CLTRN: variants seen among roughly 807,000 people sequenced by gnomAD.
CLTRN encodes collectrin, amino acid transport regulator.
A neutral mutation model predicts 14.5 loss-of-function variants in CLTRN; 12 were observed. The observed-to-expected ratio is 0.83, with a 90% CI of 0.53 to 1.34. CLTRN has a LOEUF of 1.34. Among genes scored for constraint, CLTRN ranks in the 40% most tolerant of loss-of-function variants. CLTRN has a pLI of 0.00. For synonymous variants in CLTRN, 58 were observed against 56.5 expected, an observed-to-expected ratio of 1.03 and a Z score of -0.12; for missense variants, 154 against 165.1, an observed-to-expected ratio of 0.93 and a Z score of 0.37.
At chrX:15,659,928 G>C (rs1363347893) in intron 2 of CLTRN, among the ~76,000 whole-genome samples, 2 of 112,240 alleles carry the variant, frequency 1.8e-5, no homozygotes, top group African/African-American at 6.5e-5. Context: ...AATTAATATA[G>C]TATATTTGAC....
At chrX:15,646,394 C>T in intron 3 of CLTRN, 1 of 305,427 alleles carries the variant, frequency 3.3e-6, no homozygotes, top group Admixed American at 3.4e-5. Context: ...CAACCCACTG[C>T]CCTGCTCTCA....
At chrX:15,664,532 G>C in intron 1 of CLTRN, 137 bp from the exon 2 acceptor site, 1 of 658,873 alleles carries the variant, frequency 1.5e-6, no homozygotes, top group Non-Finnish European at 2.3e-6. Flanking sequence ...AAATACTCCT[G>C]GAAGTTTAAC....
intron 3 of CLTRN, among the ~76,000 whole-genome samples, chrX:15,648,088 G>T (rs1204601936): frequency 5.1e-5 from 5 of 98,218 alleles, no homozygotes; most frequent in Admixed American, 2.3e-4. Flanking sequence ...ATTTGGAAGT[G>T]ATTCCCAGAA....
chrX:15,647,330 C>G (rs1371797712), intron 3 of CLTRN, among the ~76,000 whole-genome samples: 1 of 112,352 alleles, frequency 8.9e-6, no homozygotes, highest in East Asian at 2.7e-4. Flanking sequence ...AAGCCCTTCC[C>G]TTGCCCTTGC....
upstream of CLTRN, among the ~76,000 whole-genome samples, chrX:15,665,423 A>T (rs913008462): frequency 8.9e-6 from 1 of 112,314 alleles, no homozygotes; most frequent in Non-Finnish European, 1.9e-5. Flanking sequence ...ACCAAACTCC[A>T]GTGACACACA....
chrX:15,640,579 T>C (rs1928919294), intron 4 of CLTRN, among the ~76,000 whole-genome samples: 2 of 112,768 alleles, frequency 1.8e-5, no homozygotes, highest in African/African-American at 6.4e-5. Flanking sequence ...ATGACAAAGC[T>C]CTATTTAAGG....
upstream of CLTRN, among the ~76,000 whole-genome samples, chrX:15,667,945 G>A (rs1929652336): frequency 8.9e-6 from 1 of 112,049 alleles, no homozygotes; most frequent in African/African-American, 3.2e-5. Flanking sequence ...AACTAGAATT[G>A]AAGACAGTAA....
At chrX:15,663,073 G>C (rs1256832568) in intron 2 of CLTRN, among the ~76,000 whole-genome samples, 5 of 111,678 alleles carry the variant, frequency 4.5e-5, no homozygotes, top group Admixed American at 9.6e-5. Context: ...TCATGCTTCA[G>C]ACATCACAGT....
intron 1 of CLTRN, 53 bp downstream of exon 1, chrX:15,664,665 T>C (rs1929582310): frequency 1.9e-6 from 2 of 1,060,286 alleles, no homozygotes; most frequent in South Asian, 2.0e-5. Context: ...GTCGATGACT[T>C]GTCAAACATG....
At chrX:15,641,832 G>A (rs1435741783) in intron 4 of CLTRN, among the ~76,000 whole-genome samples, 1 of 111,114 alleles carries the variant, frequency 9.0e-6, no homozygotes, top group Non-Finnish European at 1.9e-5. Flanking sequence ...TGGTGGCTAC[G>A]GTACCGGACA....
intron 3 of CLTRN, chrX:15,646,316 G>T: frequency 3.9e-6 from 1 of 258,539 alleles, no homozygotes. Context: ...CACTGAGCCC[G>T]GACACTATCT....
chrX:15,672,796 T>A (rs1929741910), intron 1 of CLTRN, among the ~76,000 whole-genome samples: 1 of 112,128 alleles, frequency 8.9e-6, no homozygotes, highest in Non-Finnish European at 1.9e-5. Context: ...ACATTTTTTA[T>A]CTATTTCAGA....
At chrX:15,647,137 C>A (rs1278983099) in intron 3 of CLTRN, among the ~76,000 whole-genome samples, 1 of 111,943 alleles carries the variant, frequency 8.9e-6, no homozygotes, top group Admixed American at 9.3e-5. Flanking sequence ...TGAGCACACC[C>A]AGCCTGCTGC....
intron 5 of CLTRN, among the ~76,000 whole-genome samples, chrX:15,631,091 T>C (rs1601718946): frequency 8.9e-6 from 1 of 112,218 alleles, no homozygotes; most frequent in East Asian, 2.8e-4. Context: ...ATGCCATATA[T>C]ACTCATCCTC....
chrX:15,635,760 G>C (rs979754128), intron 5 of CLTRN, among the ~76,000 whole-genome samples: 5 of 111,964 alleles, frequency 4.5e-5, no homozygotes, highest in African/African-American at 1.6e-4. Context: ...TTCAAAAATA[G>C]ACAAATGGGA....
intron 3 of CLTRN, chrX:15,646,458 A>AACCCCCCCCCCCCCCCCCCCCCCCCCC: frequency 6.6e-5 from 15 of 228,779 alleles, no homozygotes; most frequent in Non-Finnish European, 9.6e-5. Flanking sequence ...AAAACCGCGC[A>AACCCCCCCCCCCCCCCCCCCCCCCCCC]CCCACCCCCC....
chrX:15,659,005 T>G lies in CLTRN; in HGVS notation c.203+11A>C, dbSNP rs1209669313. The stretch of plus-strand genomic sequence containing the variant: ...TAAATAATCAGTTAAGATTTCTCAT[T>G]ATTTGCTTACTCTGTTGCTTCTCTG... On this transcript the variant is annotated intron_variant, in intron 3 of 5. Transcript: ENST00000380342. 9.4e-7 allele frequency: 1 copy of G among 1,065,175 alleles called. No homozygotes were observed. The highest frequency in any genetic ancestry group is 1.3e-6 in the Non-Finnish European group (1 of 771,504). The allele number at this position is 1,065,175 out of a possible 1,213,427, so 87.8% of individuals were successfully genotyped here.
Position 15,639,650 on chromosome X carries a change from T to G in CLTRN, c.424A>C (p.Ile142Leu). 1 of 1,208,553 alleles carries G rather than the reference T, an allele frequency of 8.3e-7. No homozygotes were observed. The highest frequency in any genetic ancestry group is 1.1e-6 in the Non-Finnish European group (1 of 892,792). Residue 142 changes from isoleucine (I) to leucine (L), a missense_variant, in exon 5 of 6, where the codon ATC (isoleucine) becomes CTC (leucine). By Grantham distance (5) the Ile-to-Leu change is conservative. Transcript: ENST00000380342. ...ATCACACCAAATATAATAATCCAGA[T>G]GGGCACAGATGGGTCCATGGGTGGT... ...LAPPMDPSVP[I>L]WIIIFGVIFC...
At chrX:15,656,100 T>G (rs1025031863) in intron 3 of CLTRN, among the ~76,000 whole-genome samples, 1 of 112,149 alleles carries the variant, frequency 8.9e-6, no homozygotes, top group East Asian at 2.8e-4. Flanking sequence ...TCAGCCTCTC[T>G]GATCCCCTTA....
Sources: gnomAD v4.1 joint callset for allele counts (sites outside exome capture counted in the v4.1 genomes callset) on GRCh38, gnomAD v4.1.1 for gene constraint, MANE v1.5 for transcripts, NCBI Gene and HGNC (gene_info 2026-07-23, HGNC 2026-07-21) for gene names.